The following ZMIZ1 variants were observed in gnomAD, a reference collection of about 807,000 sequenced individuals.
The protein encoded by ZMIZ1 is zinc finger MIZ-type containing 1.
In ZMIZ1, 17 loss-of-function variants were observed where a neutral mutation model predicts 113.9. The ratio of observed to expected loss-of-function variants is 0.15; its 90% CI spans 0.10 to 0.22. ZMIZ1 has a LOEUF of 0.22. Ranked by LOEUF, ZMIZ1 falls within the 10% of genes least tolerant of loss-of-function variation. The pLI, the probability that ZMIZ1 is intolerant of heterozygous loss-of-function variation, is 1.00. For synonymous variants in ZMIZ1, 607 were observed against 603.1 expected (o/e 1.01, Z -0.09); for missense variants, 1,059 against 1,477.8 (o/e 0.72, Z 4.65).
chr10:79,306,799 T>A (rs1190517456), intron 22 of ZMIZ1, among the ~76,000 whole-genome samples: 3 of 152,110 alleles, frequency 2.0e-5, no homozygotes, highest in Admixed American at 1.3e-4. Flanking sequence ...CCCCACTGGG[T>A]GGCAGCTCCC....
chr10:79,190,396 C>T (rs1298648769), intron 4 of ZMIZ1, among the ~76,000 whole-genome samples: 2 of 152,206 alleles, frequency 1.3e-5, no homozygotes, highest in Non-Finnish European at 2.9e-5. Context: ...ACGCTCCCTG[C>T]CTCAGGCCTC....
At chr10:79,078,467 C>A (rs1842549220) in intron 1 of ZMIZ1, among the ~76,000 whole-genome samples, 1 of 151,994 alleles carries the variant, frequency 6.6e-6, no homozygotes, top group Non-Finnish European at 1.5e-5. Flanking sequence ...GCACCCCCAC[C>A]CCCAAGAAAT....
At chr10:79,123,036 C>T (rs956766214) in intron 2 of ZMIZ1, among the ~76,000 whole-genome samples, 3 of 152,220 alleles carry the variant, frequency 2.0e-5, no homozygotes, top group African/African-American at 7.2e-5. Flanking sequence ...TGGCCCAGTT[C>T]ACGTGGCTCG....
intron 1 of ZMIZ1, among the ~76,000 whole-genome samples, chr10:79,114,282 G>A (rs541020631): frequency 2.0e-5 from 3 of 152,330 alleles, no homozygotes; most frequent in Admixed American, 6.5e-5. Context: ...AATTTAATAC[G>A]CTCTCTGTAT....
At chr10:79,141,872 G>A (rs116589423) in intron 3 of ZMIZ1, among the ~76,000 whole-genome samples, 132 of 152,354 alleles carry the variant, frequency 8.7e-4, no homozygotes, top group African/African-American at 3.1e-3. Context: ...ACCCACTCCT[G>A]TAGGCGGACA....
At chr10:79,294,945 G>GC (rs988022494) in intron 12 of ZMIZ1, 7 of 146,422 alleles carry the variant, frequency 4.8e-5, no homozygotes, top group East Asian at 2.2e-4. Context: ...GAGAGAGAGG[G>GC]GGGGGGGTCA....
chr10:79,283,626 C>G (rs1852880610), intron 8 of ZMIZ1, among the ~76,000 whole-genome samples: 1 of 152,060 alleles, frequency 6.6e-6, no homozygotes, highest in African/African-American at 2.4e-5. Context: ...CTTTGTTGCC[C>G]CAAGAACATT....
intron 7 of ZMIZ1, among the ~76,000 whole-genome samples, chr10:79,270,797 G>A (rs987243701): frequency 6.6e-6 from 1 of 152,188 alleles, no homozygotes; most frequent in African/African-American, 2.4e-5. Context: ...AAAAGCCAGG[G>A]CCCTAGAGGG....
intron 9 of ZMIZ1, among the ~76,000 whole-genome samples, 173 bp downstream of exon 9, chr10:79,290,062 G>A (rs961400514): frequency 1.2e-4 from 18 of 152,314 alleles, no homozygotes; most frequent in African/African-American, 3.4e-4. Flanking sequence ...CTCTGCACCC[G>A]CCTCAGGAGG....
chr10:79,293,345 T>C lies in ZMIZ1; in HGVS notation c.958-36T>C, dbSNP rs760078974. 2.4e-5 allele frequency: 36 copies of C among 1,506,918 alleles called. 1 individual carries two copies. In the South Asian group the frequency reaches 4.0e-4, roughly 17 times the overall value. 93.3% of individuals were successfully genotyped at this position (1,506,918 alleles called of 1,614,324 possible). A position where few individuals can be genotyped will look rare whatever the true frequency, so the allele number is the denominator to read the frequency against. On this transcript the variant is annotated intron_variant, in intron 11 of 24. Coordinates refer to ENST00000334512, the MANE Select transcript of ZMIZ1 (RefSeq NM_020338.4). The stretch of plus-strand genomic sequence containing the variant: ...GCATGTGGCATTTTATTCTTTTTTT[T>C]TTCTTCTCCCGTTGAAGGTCTGTTC...
At chr10:79,077,484 G>T (rs1395778153) in intron 1 of ZMIZ1, among the ~76,000 whole-genome samples, 2 of 139,118 alleles carry the variant, frequency 1.4e-5, no homozygotes, top group African/African-American at 5.4e-5. Context: ...GGGTTCTGTG[G>T]TCTGGGTGGG....
Position 79,276,291 on chromosome 10 carries a change from G to A in ZMIZ1, c.281-890G>A, listed in dbSNP as rs77613990. 6.0e-3 allele frequency among the ~76,000 whole-genome samples: 917 copies of A among 152,354 alleles called. 4 individuals carry two copies. The highest frequency in any genetic ancestry group is 8.6e-3 in the African/African-American group (357 of 41,582). ...CTCAGCGTCCTCATGTACTTCAGGA[G>A]GACAGGCCAGCTGAGACACGATGGA... On this transcript the variant is annotated intron_variant, in intron 7 of 24. Transcript: ENST00000334512.
intron 4 of ZMIZ1, among the ~76,000 whole-genome samples, chr10:79,168,978 C>A (rs1427070562): frequency 1.3e-5 from 2 of 152,256 alleles, no homozygotes; most frequent in Non-Finnish European, 2.9e-5. Flanking sequence ...TCTCACCCTT[C>A]TTCAGCTCCA....
At chr10:79,230,548 G>A (rs189894076) in intron 7 of ZMIZ1, among the ~76,000 whole-genome samples, 7 of 152,306 alleles carry the variant, frequency 4.6e-5, no homozygotes, top group South Asian at 2.1e-4. Flanking sequence ...CCAATTAAGC[G>A]TCTGCCGGGA....
chr10:79,305,835 C>G (rs1482879992), intron 21 of ZMIZ1, among the ~76,000 whole-genome samples: 1 of 152,194 alleles, frequency 6.6e-6, no homozygotes, highest in African/African-American at 2.4e-5. Context: ...TGCCCCGCCC[C>G]GACCCTCCAC....
intron 1 of ZMIZ1, among the ~76,000 whole-genome samples, chr10:79,082,117 G>A (rs533288287): frequency 6.6e-6 from 1 of 152,336 alleles, no homozygotes; most frequent in East Asian, 1.9e-4. Flanking sequence ...CTGTGGCAGT[G>A]GCACTGGCCT....
At chr10:79,149,675 G>A (rs557858843) in intron 3 of ZMIZ1, among the ~76,000 whole-genome samples, 6 of 152,360 alleles carry the variant, frequency 3.9e-5, no homozygotes, top group South Asian at 4.1e-4. Context: ...GTGGGGCTGC[G>A]TGGCCCCGTG....
rs1233452449 is a variant in ZMIZ1, at chr10:79,082,300, T to C, written c.-337+13030T>C. Among the ~76,000 whole-genome samples the C allele has an allele frequency of 2.0e-5, 3 of 152,346 alleles. No individual in the cohort carries two copies. In the East Asian group the frequency reaches 5.8e-4, roughly 29 times the overall value. On this transcript the variant is annotated intron_variant, in intron 1 of 24. Coordinates refer to ENST00000334512, the MANE Select transcript of ZMIZ1 (RefSeq NM_020338.4). ...CCTATAGCAGGACACTTTCTCTCACTTCCTGGCTTATATGGGGCTGCCTTG... is the reference window on the plus strand; with the variant it reads ...CCTATAGCAGGACACTTTCTCTCACCTCCTGGCTTATATGGGGCTGCCTTG...
Position 79,299,090 on chromosome 10 carries a change from G to T in ZMIZ1, c.1707G>T (p.Arg569=), listed in dbSNP as rs1379566728. Residue 569 remains arginine, a synonymous_variant, in exon 16 of 25, where the codon CGG becomes CGT. Coordinates refer to ENST00000334512, the MANE Select transcript of ZMIZ1 (RefSeq NM_020338.4). ...NDELRLTFPV[R]DGVVLEPFRL... is the part of the protein sequence containing the mutation. ...AGCTGCGGCTCACATTCCCTGTGCG[G>T]GATGGCGTGGTGCTGGAGCCCTTCC... 6.2e-7 allele frequency: 1 copy of T among 1,612,632 alleles called. No homozygotes were observed. The highest frequency in any genetic ancestry group is 1.1e-5 in the South Asian group (1 of 91,064).
Sources: gnomAD v4.1 joint callset for allele counts (sites outside exome capture counted in the v4.1 genomes callset) on GRCh38, gnomAD v4.1.1 for gene constraint, MANE v1.5 for transcripts, NCBI Gene and HGNC (gene_info 2026-07-23, HGNC 2026-07-21) for gene names.